Variants in GAS6 observed in about 807,000 individuals in gnomAD.
GAS6 encodes the protein growth arrest-specific protein 6.
In GAS6, 41 loss-of-function variants were observed where a neutral mutation model predicts 75.8. The observed-to-expected ratio is 0.54, with a 90% CI of 0.42 to 0.70. GAS6 has a LOEUF of 0.70. Among genes scored for constraint, GAS6 ranks in the 30% least tolerant of loss-of-function variants. GAS6 has a pLI of 0.00. For missense variants in GAS6, 854 were observed against 940.2 expected (o/e 0.91, Z 1.20); for synonymous variants, 432 against 412.6 (o/e 1.05, Z -0.57).
Position 113,835,601 on chromosome 13 carries a change from C to A in GAS6, c.624G>T (p.Gly208=). Residue 208 remains glycine (G), a synonymous_variant, in exon 7 of 15, where the codon GGG becomes GGT. Coordinates refer to ENST00000327773, the MANE Select transcript of GAS6 (RefSeq NM_000820.4). ...IDECADSEAC[G]EARCKNLPGS... ...CGGGCAGGTTCTTGCAGCGCGCCTC[C>A]CCGCAGGCCTCCGAGTCTGCGCACT... 6.2e-7 allele frequency: 1 copy of A among 1,612,370 alleles called. No homozygotes were observed. The highest frequency in any genetic ancestry group is 1.1e-5 in the South Asian group (1 of 91,066).
chr13:113,842,154 C>CGAAAAGAA (rs1566367698), intron 4 of GAS6: 17 of 133,790 alleles, frequency 1.3e-4, no homozygotes, highest in African/African-American at 6.3e-4. Flanking sequence ...CAGTTTCCTC[C>CGAAAAGAA]ATACACCTCA....
chr13:113,832,699 G>A lies in GAS6; in HGVS notation c.888C>T (p.Tyr296=). 1 of 1,612,756 alleles carries A rather than the reference G, an allele frequency of 6.2e-7. No homozygotes were observed. Among genetic ancestry groups the A allele is most frequent in the Non-Finnish European group, 8.5e-7 (1 of 1,179,964 alleles). The change falls in exon 9 of 15, where the codon TAC becomes TAT. Residue 296 remains tyrosine (Y), a synonymous_variant. Transcript: ENST00000327773. The stretch of plus-strand genomic sequence containing the variant: ...GGGTCCCACTGAACATCCGGCCCAG[G>A]TACAAGGACTTCACACTCTTGGCCA... ...FSVAKSVKSL[Y]LGRMFSGTPV... is the part of the protein sequence containing the mutation.
At chr13:113,851,558 T>C (rs1019357748) in intron 2 of GAS6, among the ~76,000 whole-genome samples, 5 of 151,516 alleles carry the variant, frequency 3.3e-5, no homozygotes, top group East Asian at 3.9e-4. Context: ...AGTGAGTGGA[T>C]AGATGAGTGA....
Position 113,832,384 on chromosome 13 carries a change from C to G in GAS6, c.1058G>C (p.Gly353Ala). ...GTAGCGCAGCTGCAGCTCCAGCCGG[C>G]CGGCTCTCAGGGCCAGCACGATCCA... is the stretch of plus-strand genomic sequence containing the variant. ...STWIVLALRAGRLELQLRYNG... is the reference protein window; with the variant it reads ...STWIVLALRAARLELQLRYNG... Residue 353 changes from glycine to alanine, a missense_variant, in exon 10 of 15, where the codon GGC (glycine) becomes GCC (alanine). Transcript: ENST00000327773. 6.2e-7 allele frequency: 1 copy of G among 1,611,494 alleles called. No homozygotes were observed. Among genetic ancestry groups the G allele is most frequent in the Non-Finnish European group, 8.5e-7 (1 of 1,179,920 alleles).
Position 113,820,759 on chromosome 13 carries a change from G to A in GAS6, c.*105C>T, listed in dbSNP as rs1336035080. On this transcript the variant is annotated 3_prime_UTR_variant, in exon 15 of 15. Transcript: ENST00000327773. ...TATGTTACAGGCCGGGATGGTCACAGAGGAAAGCCCAGCTCTCAGCATGGC... is the reference window on the plus strand; with the variant it reads ...TATGTTACAGGCCGGGATGGTCACAAAGGAAAGCCCAGCTCTCAGCATGGC... 5.4e-6 allele frequency: 7 copies of A among 1,289,676 alleles called. No individual in the cohort carries two copies. In the East Asian group the frequency reaches 7.6e-5, roughly 14 times the overall value. 79.9% of individuals were successfully genotyped at this position (1,289,676 alleles called of 1,614,324 possible).
chr13:113,842,511 C>T (rs1364452940), intron 4 of GAS6: 3 of 396,216 alleles, frequency 7.6e-6, no homozygotes, highest in Non-Finnish European at 1.3e-5. Flanking sequence ...GGTGCTGTGT[C>T]CGCGGGGCGT....
chr13:113,826,691 G>GCAGGCACCTTCTCTCCCCGGCCTCCCA, intron 12 of GAS6, among the ~76,000 whole-genome samples: 1 of 99,238 alleles, frequency 1.0e-5, no homozygotes, highest in South Asian at 5.3e-4. Context: ...CCCGCCTCCT[G>GCAGGCACCTTCTCTCCCCGGCCTCCCA]GCGCCGGCCT....
chr13:113,822,886 GCTGA>G (rs2051479399), intron 13 of GAS6: 1 of 155,172 alleles, frequency 6.4e-6, no homozygotes, highest in Non-Finnish European at 1.4e-5. Flanking sequence ...GCCCAGGACA[GCTGA>G]CTTATTGTGA....
intron 8 of GAS6, chr13:113,832,983 G>A (rs1247155914): frequency 2.9e-5 from 41 of 1,427,870 alleles, no homozygotes; most frequent in African/African-American, 7.2e-5. Flanking sequence ...GGGGGTCCCC[G>A]TCATCTCCTT....
At chr13:113,821,095 C>CCTG (rs2051451501) in intron 14 of GAS6, 77 bp from the exon 15 acceptor site, 2 of 1,507,856 alleles carry the variant, frequency 1.3e-6, no homozygotes, top group Admixed American at 1.7e-5. Context: ...CCCCCGGCAG[C>CCTG]GCTTGTGGCC....
rs534837538 is a variant in GAS6 at position 113,827,042 on chromosome 13, G to C, written c.1431C>G (p.Gly477=). The C allele has an allele frequency of 2.6e-5, 42 of 1,613,432 alleles. 1 individual carries two copies. In the South Asian group the frequency reaches 4.5e-4, roughly 17 times the overall value. Residue 477 remains glycine, a synonymous_variant, in exon 12 of 15, where the codon GGC becomes GGG. Coordinates refer to ENST00000327773, the MANE Select transcript of GAS6 (RefSeq NM_000820.4). ...RMQCFSVTER[G]SFYPGSGFAF... ...CGAAGCCGCTCCCGGGGTAGAAAGA[G>C]CCTCTCTCCGTCACCGAGAAGCACT...
chr13:113,835,437 G>A (rs957902223), intron 7 of GAS6, 76 bp downstream of exon 7: 21 of 1,546,868 alleles, frequency 1.4e-5, no homozygotes, highest in African/African-American at 8.2e-5. Context: ...GTTAGCAACC[G>A]GCTCGGGCAG....
At chr13:113,826,019 G>A (rs1483919894) in intron 12 of GAS6, among the ~76,000 whole-genome samples, 1 of 152,178 alleles carries the variant, frequency 6.6e-6, no homozygotes, top group East Asian at 1.9e-4. Context: ...ATAGGGCAGG[G>A]CTGTGGTGCC....
chr13:113,839,687 A>G, intron 5 of GAS6, 41 bp downstream of exon 5: 2 of 1,607,738 alleles, frequency 1.2e-6, no homozygotes, highest in South Asian at 2.2e-5. Context: ...GCAGGGTCGG[A>G]GATGGAGGGA....
In GAS6 at chr13:113,820,641, AG is replaced by A; in HGVS notation, c.*222del. On this transcript the variant is annotated 3_prime_UTR_variant, in exon 15 of 15. Transcript: ENST00000327773. ...AAATAATAGAGAATTATTTTCTTCGAGCCCGCTCTGCGCTGCGCCGGCCTCC... is the reference window on the plus strand; with the variant it reads ...AAATAATAGAGAATTATTTTCTTCGACCCGCTCTGCGCTGCGCCGGCCTCC... 1 of 516,700 alleles carries A rather than the reference AG, an allele frequency of 1.9e-6. No individual in the cohort carries two copies. The highest frequency in any genetic ancestry group is 3.4e-6 in the Non-Finnish European group (1 of 290,282). 32.0% of individuals were successfully genotyped at this position (516,700 alleles called of 1,614,324 possible).
In GAS6 at chr13:113,858,577, CTG is replaced by C. The variant is rs370315500; in HGVS notation, c.255+4996_255+4997del. Among the ~76,000 whole-genome samples the C allele has an allele frequency of 7.5e-3, 1,077 of 143,140 alleles. 16 individuals carry two copies. The highest frequency in any genetic ancestry group is 0.027 in the African/African-American group (994 of 36,482). 93.9% of individuals were successfully genotyped at this position (143,140 alleles called of 152,430 possible). ...AGTATGTGCCTTTGTGTGTGCATGTCTGTGTGTGACTGTGTACGTATGTGTAC... is the reference window on the plus strand; with the variant it reads ...AGTATGTGCCTTTGTGTGTGCATGTCTGTGTGACTGTGTACGTATGTGTAC... On this transcript the variant is annotated intron_variant, in intron 2 of 14. Coordinates refer to ENST00000327773, the MANE Select transcript of GAS6 (RefSeq NM_000820.4).
rs200346394 is a variant in GAS6 at position 113,858,293 on chromosome 13, CAT to C, written c.255+5280_255+5281del. Among the ~76,000 whole-genome samples, 87 of 152,292 alleles carry C rather than the reference CAT, an allele frequency of 5.7e-4. No individual in the cohort carries two copies. The East Asian group carries it at 0.014, about 24-fold the overall frequency. On this transcript the variant is annotated intron_variant, in intron 2 of 14. Transcript: ENST00000327773. ...GTGTCTATTTATGTGACTGTGTGTACATGTGTGCATATTATGCATGTGTGTAC... is the reference window on the plus strand; with the variant it reads ...GTGTCTATTTATGTGACTGTGTGTACGTGTGCATATTATGCATGTGTGTAC...
At chr13:113,830,411 C>T (rs1327299070) in intron 10 of GAS6, among the ~76,000 whole-genome samples, 9 of 143,350 alleles carry the variant, frequency 6.3e-5, no homozygotes, top group Non-Finnish European at 1.1e-4. Context: ...CCCTCCTCCC[C>T]GTGGCTCCAT....
intron 5 of GAS6, chr13:113,839,214 C>T (rs1283451159): frequency 6.4e-6 from 1 of 157,448 alleles, no homozygotes; most frequent in African/African-American, 2.4e-5. Context: ...GACAGGCTGG[C>T]CTGCTGGGCT....
Sources: gnomAD v4.1 joint callset for allele counts (sites outside exome capture counted in the v4.1 genomes callset) on GRCh38, gnomAD v4.1.1 for gene constraint, MANE v1.5 for transcripts, NCBI Gene and HGNC (gene_info 2026-07-23, HGNC 2026-07-21) for gene names.